Variants in MANF observed in about 807,000 individuals in gnomAD.
MANF encodes the protein mesencephalic astrocyte derived neurotrophic factor.
MANF carries 9 observed loss-of-function variants against 19.1 expected under a neutral mutation model. The ratio of observed to expected loss-of-function variants is 0.47; its 90% confidence interval spans 0.28 to 0.82. The LOEUF is 0.82. Ranked by LOEUF, MANF falls within the 40% of genes least tolerant of loss-of-function variation. The probability of loss-of-function intolerance (pLI) is 0.10; values close to 1 mark genes in which losing one functional copy is unlikely to be tolerated. For synonymous variants in MANF, 89 were observed against 88.0 expected (o/e 1.01, Z -0.06); for missense variants, 225 against 226.7 (o/e 0.99, Z 0.05).
At position 51,386,229 on chromosome 3, in the gene MANF, G is replaced by T; in HGVS notation, c.116G>T (p.Arg39Ile). Residue 39 changes from arginine (R) to isoleucine (I), a missense_variant, in exon 2 of 4, where the codon AGA (arginine) becomes ATA (isoleucine). Physicochemically the swap from Arg to Ile is moderately conservative, Grantham distance 97. Coordinates refer to ENST00000528157, the MANE Select transcript of MANF (RefSeq NM_006010.6). ...CCAGTTTGTATTTCTTATCTGGGAA[G>T]ATTTTACCAGGACCTCAAAGACAGA... The part of the protein sequence containing the change: ...DCEVCISYLG[R>I]FYQDLKDRDV... 1 of 1,613,660 alleles carries T rather than the reference G, an allele frequency of 6.2e-7. No homozygotes were observed. Among genetic ancestry groups the T allele is most frequent in the Non-Finnish European group, 8.5e-7 (1 of 1,179,714 alleles).
At position 51,387,768 on chromosome 3, in the gene MANF, C is replaced by T; in HGVS notation, c.254C>T (p.Ala85Val). 2 of 1,612,406 alleles carry T rather than the reference C, an allele frequency of 1.2e-6. No individual in the cohort carries two copies. Among genetic ancestry groups the T allele is most frequent in the Non-Finnish European group, 1.7e-6 (2 of 1,179,072 alleles). The change falls in exon 3 of 4, where the codon GCC becomes GTC. Residue 85 changes from alanine to valine, a missense_variant. Physicochemically the swap from Ala to Val is moderately conservative, Grantham distance 64 (BLOSUM62 0). Transcript: ENST00000528157. ...CYYIGATDDA[A>V]TKIINEVSKP... ...TATATCGGGGCCACAGATGATGCAG[C>T]CACCAAAATCATCAATGAGGTATCA... is the stretch of plus-strand genomic sequence containing the variant.
intron 1 of MANF, 69 bp downstream of exon 1, chr3:51,385,505 C>A: frequency 1.1e-6 from 1 of 898,552 alleles, no homozygotes; most frequent in Non-Finnish European, 1.5e-6. Flanking sequence ...CCCACAACAT[C>A]ACCAGACGGC....
Position 51,386,200 on chromosome 3 carries a change from T to C in MANF, c.95-8T>C. On this transcript the variant is annotated splice_polypyrimidine_tract_variant and splice_region_variant and intron_variant, in intron 1 of 3. Transcript: ENST00000528157. ...TTGCTGAGCATCTCCCGTCCCTCTC[T>C]TTTCCAGTTTGTATTTCTTATCTGG... The C allele has an allele frequency of 6.2e-7, 1 of 1,613,066 alleles. No individual in the cohort carries two copies. The highest frequency in any genetic ancestry group is 8.5e-7 in the Non-Finnish European group (1 of 1,179,430).
intron 1 of MANF, chr3:51,385,971 T>G: frequency 1.9e-6 from 1 of 530,192 alleles, no homozygotes; most frequent in African/African-American, 1.9e-5. Context: ...GGAGAAGTCG[T>G]TTATAGGTCA....
Position 51,386,116 on chromosome 3 carries a change from T to C in MANF, c.95-92T>C, listed in dbSNP as rs1277098286. 1.3e-5 allele frequency: 17 copies of C among 1,344,400 alleles called. No individual in the cohort carries two copies. The African/African-American group carries it at 1.7e-4, about 14-fold the overall frequency. The allele number at this position is 1,344,400 out of a possible 1,614,324, so 83.3% of individuals were successfully genotyped here. ...GCTCACCTCTAATGATTCATCTCCG[T>C]GTCTCCTATTAAAATTGCTGGCGGA... On this transcript the variant is annotated intron_variant, in intron 1 of 3. Coordinates refer to ENST00000528157, the MANE Select transcript of MANF (RefSeq NM_006010.6).
intron 1 of MANF, chr3:51,385,841 AG>A (rs1259877679): frequency 3.7e-6 from 1 of 271,858 alleles, no homozygotes; most frequent in African/African-American, 2.2e-5. Flanking sequence ...TTTGGAAATT[AG>A]CAGCAGCATT....
chr3:51,385,361 A>T lies in MANF; in HGVS notation c.19A>T (p.Thr7Ser). 8.1e-7 allele frequency: 1 copy of T among 1,239,744 alleles called. No individual in the cohort carries two copies. The highest frequency in any genetic ancestry group is 1.0e-6 in the Non-Finnish European group (1 of 989,784). The allele number at this position is 1,239,744 out of a possible 1,614,324, so 76.8% of individuals were successfully genotyped here. A position where few individuals can be genotyped will look rare whatever the true frequency, so the allele number is the denominator to read the frequency against. Residue 7 changes from threonine to serine, a missense_variant, in exon 1 of 4, where the codon ACG (threonine) becomes TCG (serine). Thr to Ser is a moderately conservative substitution (Grantham distance 58, BLOSUM62 1). Coordinates refer to ENST00000528157, the MANE Select transcript of MANF (RefSeq NM_006010.6). MRRMWA[T>S]QGLAVALALS... Reference sequence around the variant, plus strand: ...GAGGAGGATGAGGAGGATGTGGGCCACGCAGGGGCTGGCGGTGGCGCTGGC... The same window carrying T: ...GAGGAGGATGAGGAGGATGTGGGCCTCGCAGGGGCTGGCGGTGGCGCTGGC...
chr3:51,386,922 T>A, intron 2 of MANF: 1 of 456,780 alleles, frequency 2.2e-6, no homozygotes, highest in Middle Eastern at 3.3e-4. Flanking sequence ...TGAACCCTGG[T>A]GACACTTAAA....
intron 3 of MANF, 98 bp downstream of exon 3, chr3:51,387,976 T>A (rs773347073): frequency 8.1e-7 from 1 of 1,230,544 alleles, no homozygotes; most frequent in Non-Finnish European, 1.2e-6. Flanking sequence ...CATGAGTGGG[T>A]TGTATTGTAT....
intron 3 of MANF, among the ~76,000 whole-genome samples, 158 bp downstream of exon 3, chr3:51,388,036 G>A (rs1248577532): frequency 1.3e-5 from 2 of 152,192 alleles, no homozygotes; most frequent in Non-Finnish European, 2.9e-5. Flanking sequence ...GTGGGTGGAG[G>A]TCAGAATAGG....
Position 51,385,370 on chromosome 3 carries a change from C to T in MANF, c.28C>T (p.Leu10=). The change falls in exon 1 of 4, where the codon CTG becomes TTG. Residue 10 remains leucine, a synonymous_variant. Coordinates refer to ENST00000528157, the MANE Select transcript of MANF (RefSeq NM_006010.6). The part of the protein sequence containing the change: MRRMWATQG[L]AVALALSVLP... ...GAGGAGGATGTGGGCCACGCAGGGGCTGGCGGTGGCGCTGGCTCTGAGCGT... is the reference window on the plus strand; with the variant it reads ...GAGGAGGATGTGGGCCACGCAGGGGTTGGCGGTGGCGCTGGCTCTGAGCGT... 8.1e-7 allele frequency: 1 copy of T among 1,239,848 alleles called. No homozygotes were observed. Among genetic ancestry groups the T allele is most frequent in the Non-Finnish European group, 1.0e-6 (1 of 989,836 alleles). 76.8% of individuals were successfully genotyped at this position (1,239,848 alleles called of 1,614,324 possible). A position where few individuals can be genotyped will look rare whatever the true frequency, so the allele number is the denominator to read the frequency against.
chr3:51,387,713 G>A (rs1430718007), intron 2 of MANF, 24 bp from the exon 3 acceptor site: 5 of 1,605,984 alleles, frequency 3.1e-6, no homozygotes, highest in Non-Finnish European at 4.3e-6. Flanking sequence ...ACCTCCTGAA[G>A]GCCATTGTCC....
At chr3:51,385,724 T>C in intron 1 of MANF, 1 of 314,604 alleles carries the variant, frequency 3.2e-6, no homozygotes, top group Non-Finnish European at 5.8e-6. Context: ...CACCACCATC[T>C]AGAGGTTACC....
Position 51,389,071 on chromosome 3 carries a change from T to G in MANF, c.531T>G (p.Ser177Arg), listed in dbSNP as rs782287979. 1.2e-6 allele frequency: 2 copies of G among 1,612,284 alleles called. No individual in the cohort carries two copies. Among genetic ancestry groups the G allele is most frequent in the Non-Finnish European group, 1.7e-6 (2 of 1,179,280 alleles). Residue 177 changes from serine to arginine, a missense_variant, in exon 4 of 4, where the codon AGT becomes AGG. Physicochemically the swap from Ser to Arg is moderately radical, Grantham distance 110. Transcript: ENST00000528157. ...CTAAATATGCCCCCAAGGCAGCCAG[T>G]GCACGGACCGATTTGTAGTCTGCTC... is the stretch of plus-strand genomic sequence containing the variant. ...LMPKYAPKAASARTDL is the reference protein window; with the variant it reads ...LMPKYAPKAARARTDL
intron 2 of MANF, among the ~76,000 whole-genome samples, chr3:51,386,609 C>T (rs982410961): frequency 6.6e-6 from 1 of 152,202 alleles, no homozygotes; most frequent in Admixed American, 6.5e-5. Flanking sequence ...CAGTCGGACA[C>T]ACAAATAATG....
chr3:51,386,566 C>T (rs1194626917), intron 2 of MANF, among the ~76,000 whole-genome samples: 2 of 152,204 alleles, frequency 1.3e-5, no homozygotes, highest in Non-Finnish European at 2.9e-5. Flanking sequence ...CTACTATGTG[C>T]TAGGCACTGG....
chr3:51,387,461 C>CAA (rs111442102), intron 2 of MANF, among the ~76,000 whole-genome samples: 3 of 135,312 alleles, frequency 2.2e-5, no homozygotes, highest in Admixed American at 7.4e-5. Flanking sequence ...AACTTTATCT[C>CAA]AAAAAAAAAA....
At position 51,388,901 on chromosome 3, in the gene MANF, C is replaced by T. The variant is rs1553621147; in HGVS notation, c.365-4C>T. The T allele has an allele frequency of 1.3e-6, 2 of 1,561,142 alleles. No homozygotes were observed. The highest frequency in any genetic ancestry group is 3.8e-5 in the Admixed American group (2 of 51,962). The stretch of plus-strand genomic sequence containing the variant: ...TCAGTGACTCTCCCTGCTCTCTCCT[C>T]CAGACAAGCAGATCGACCTGAGCAC... On this transcript the variant is annotated splice_polypyrimidine_tract_variant and splice_region_variant and intron_variant, in intron 3 of 3. Coordinates refer to ENST00000528157, the MANE Select transcript of MANF (RefSeq NM_006010.6).
chr3:51,386,442 C>T (rs2106637272), intron 2 of MANF, 107 bp downstream of exon 2: 1 of 1,226,620 alleles, frequency 8.2e-7, no homozygotes, highest in East Asian at 2.4e-5. Context: ...AGGAAGCCAG[C>T]TACTCTCTCC....
Sources: allele counts gnomAD v4.1 joint callset (sites outside exome capture counted in the v4.1 genomes callset), GRCh38; gene constraint gnomAD v4.1.1; transcripts MANE v1.5; gene names NCBI Gene and HGNC (gene_info 2026-07-23, HGNC 2026-07-21).